Variants in GPAT3 observed in about 807,000 individuals in gnomAD.
GPAT3 encodes the protein 1-AGP acyltransferase 9.
GPAT3 carries 53 observed loss-of-function variants against 58.8 expected under a neutral mutation model. That is an observed-to-expected ratio of 0.90 (90% CI 0.72 to 1.13). The LOEUF (loss-of-function observed/expected upper bound fraction) is 1.13, where lower values mean the gene tolerates loss of function less well. Ranked by LOEUF, GPAT3 falls within the 50% of genes most tolerant of loss-of-function variation. GPAT3 has a pLI of 0.00. For missense variants in GPAT3, 511 were observed against 527.6 expected (o/e 0.97, Z 0.31); for synonymous variants, 197 against 187.4 (o/e 1.05, Z -0.42).
intron 2 of GPAT3, among the ~76,000 whole-genome samples, chr4:83,550,029 T>C (rs1724696243): frequency 6.6e-6 from 1 of 152,064 alleles, no homozygotes; most frequent in Non-Finnish European, 1.5e-5. Context: ...AGCCCATTTT[T>C]TAATTTTTAA....
At chr4:83,571,722 ACATATATATATATACACG>A (rs1251633156) in intron 2 of GPAT3, among the ~76,000 whole-genome samples, 1 of 102,026 alleles carries the variant, frequency 9.8e-6, no homozygotes, top group South Asian at 4.2e-4. Flanking sequence ...ATATACACAC[ACATATATATATATACACG>A]CATATATATA....
intron 2 of GPAT3, among the ~76,000 whole-genome samples, chr4:83,575,130 C>A (rs537205032): frequency 2.0e-4 from 30 of 152,156 alleles, no homozygotes; most frequent in African/African-American, 6.7e-4. Flanking sequence ...CCCGCCTCGG[C>A]CTCCCAAAGT....
At chr4:83,570,972 C>T (rs1725584720) in intron 2 of GPAT3, among the ~76,000 whole-genome samples, 1 of 152,166 alleles carries the variant, frequency 6.6e-6, no homozygotes. Context: ...AGTATCTGCC[C>T]TTCATCTCTC....
intron 2 of GPAT3, among the ~76,000 whole-genome samples, chr4:83,567,232 A>G (rs1352412014): frequency 6.6e-6 from 1 of 152,104 alleles, no homozygotes; most frequent in African/African-American, 2.4e-5. Context: ...TGGCATTTCT[A>G]TGTGGATGGT....
In GPAT3 at chr4:83,588,155, A is replaced by AT. The variant is rs1447981587; in HGVS notation, c.555-53dup. On this transcript the variant is annotated intron_variant, in intron 4 of 11. Coordinates refer to ENST00000264409, the MANE Select transcript of GPAT3 (RefSeq NM_032717.5). The stretch of plus-strand genomic sequence containing the variant: ...AAAAGCACATTAAAACCTTTATTAT[A>AT]TTGTTTCTTAAGAGTGCCCAGAATG... 4.1e-5 allele frequency: 62 copies of AT among 1,494,180 alleles called. No homozygotes were observed. In the African/African-American group the frequency reaches 8.0e-4, roughly 19 times the overall value. 92.6% of individuals were successfully genotyped at this position (1,494,180 alleles called of 1,614,324 possible). A position where few individuals can be genotyped will look rare whatever the true frequency, so the allele number is the denominator to read the frequency against.
At chr4:83,598,291 G>T in intron 10 of GPAT3, 112 bp downstream of exon 10, 3 of 1,398,000 alleles carry the variant, frequency 2.1e-6, no homozygotes, top group Non-Finnish European at 2.9e-6. Context: ...TCAGCAAATG[G>T]GTCATTTTTT....
chr4:83,599,534 T>G (rs7699800), intron 11 of GPAT3, among the ~76,000 whole-genome samples: 86,303 of 152,008 alleles, frequency 0.57, 24,821 homozygotes, highest in Middle Eastern at 0.73. Context: ...TTCTTTTTCT[T>G]ATGAAGAAAG....
intron 2 of GPAT3, among the ~76,000 whole-genome samples, chr4:83,574,728 G>T (rs1262450368): frequency 7.8e-6 from 1 of 127,426 alleles, no homozygotes; most frequent in Non-Finnish European, 1.6e-5. Flanking sequence ...TGAAGGATCA[G>T]GATTAACTTA....
In GPAT3 at chr4:83,580,362, CTTGA is replaced by C. The variant is rs141262000; in HGVS notation, c.209-1197_209-1194del. ...ACTATAGTTTTAGATTCCGTCTTTT[CTTGA>C]TTAACATTATAGTATTTGTTAATGG... On this transcript the variant is annotated intron_variant, in intron 2 of 11. Coordinates refer to ENST00000264409, the MANE Select transcript of GPAT3 (RefSeq NM_032717.5). Among the ~76,000 whole-genome samples the C allele has an allele frequency of 1.6e-4, 25 of 152,138 alleles. 1 individual carries two copies. In the East Asian group the frequency reaches 4.8e-3, roughly 29 times the overall value.
At chr4:83,560,262 T>C (rs1315807956) in intron 2 of GPAT3, among the ~76,000 whole-genome samples, 1 of 152,154 alleles carries the variant, frequency 6.6e-6, no homozygotes, top group Non-Finnish European at 1.5e-5. Flanking sequence ...AGGAACAGCT[T>C]GTGAACAAGA....
chr4:83,536,872 G>A, intron 1 of GPAT3, 109 bp downstream of exon 1: 1 of 1,010,378 alleles, frequency 9.9e-7, no homozygotes, highest in Non-Finnish European at 1.4e-6. Flanking sequence ...GTGCGCGCGT[G>A]TGCATGCGTG....
intron 1 of GPAT3, among the ~76,000 whole-genome samples, chr4:83,541,512 A>G (rs1454951245): frequency 6.7e-6 from 1 of 148,678 alleles, no homozygotes; most frequent in African/African-American, 2.5e-5. Context: ...GATTATAGGC[A>G]TGAGCCACAG....
In GPAT3 at chr4:83,593,931, G is replaced by A. The variant is rs60748344; in HGVS notation, c.739-914G>A. ...TGCTTCCAAATGTCAAAACTAAGCC[G>A]AAAAGGTATACTCATTGAAGTGCCA... On this transcript the variant is annotated intron_variant, in intron 6 of 11. Coordinates refer to ENST00000264409, the MANE Select transcript of GPAT3 (RefSeq NM_032717.5). 4.6e-3 allele frequency among the ~76,000 whole-genome samples: 702 copies of A among 152,200 alleles called. 9 individuals carry two copies. Among genetic ancestry groups the A allele is most frequent in the African/African-American group, 0.016 (656 of 41,538 alleles).
At chr4:83,599,194 T>G (rs187870298) in intron 11 of GPAT3, among the ~76,000 whole-genome samples, 1 of 152,330 alleles carries the variant, frequency 6.6e-6, no homozygotes, top group Admixed American at 6.5e-5. Context: ...ATGGCTTAAG[T>G]AAGATAGAAG....
At chr4:83,598,997 G>A (rs1239446123) in intron 11 of GPAT3, among the ~76,000 whole-genome samples, 1 of 151,620 alleles carries the variant, frequency 6.6e-6, no homozygotes, top group Non-Finnish European at 1.5e-5. Flanking sequence ...TTGTGTTGCT[G>A]AGGCTGGTCT....
At chr4:83,552,807 A>G (rs1345130173) in intron 2 of GPAT3, among the ~76,000 whole-genome samples, 1 of 152,062 alleles carries the variant, frequency 6.6e-6, no homozygotes, top group Non-Finnish European at 1.5e-5. Flanking sequence ...ACCCAAAGTG[A>G]TGGTATTAGG....
chr4:83,556,387 A>G (rs919934763), intron 2 of GPAT3, among the ~76,000 whole-genome samples: 1 of 152,158 alleles, frequency 6.6e-6, no homozygotes, highest in African/African-American at 2.4e-5. Flanking sequence ...AATCCCAGCT[A>G]CTTGGGAGGC....
At chr4:83,537,079 A>T (rs138310980) in intron 1 of GPAT3, among the ~76,000 whole-genome samples, 109 of 152,274 alleles carry the variant, frequency 7.2e-4, no homozygotes, top group African/African-American at 2.6e-3. Flanking sequence ...AACTTTTTGT[A>T]TCAGAGGATT....
intron 2 of GPAT3, among the ~76,000 whole-genome samples, chr4:83,566,132 A>AACCATGGCTC (rs1297319038): frequency 4.6e-5 from 7 of 152,260 alleles, no homozygotes; most frequent in African/African-American, 1.7e-4. Flanking sequence ...CTCAGAGGCC[A>AACCATGGCTC]CCCATGGCTC....
Sources: gnomAD v4.1 joint callset for allele counts (sites outside exome capture counted in the v4.1 genomes callset) on GRCh38, gnomAD v4.1.1 for gene constraint, MANE v1.5 for transcripts, NCBI Gene and HGNC (gene_info 2026-07-23, HGNC 2026-07-21) for gene names.